C12orf42: variants seen among roughly 807,000 people sequenced by gnomAD.
C12orf42 encodes uncharacterized protein C12orf42.
In C12orf42, 25 loss-of-function variants were observed where a neutral mutation model predicts 21.6. That is an observed-to-expected ratio of 1.16 (90% CI 0.84 to 1.62). The LOEUF is 1.62. Among genes scored for constraint, C12orf42 ranks in the 40% most tolerant of loss-of-function variants. The pLI is 0.00. For synonymous variants in C12orf42, 174 were observed against 175.0 expected (o/e 0.99, Z 0.05); for missense variants, 483 against 459.3 (o/e 1.05, Z -0.47).
chr12:103,195,291 T>G, the C12orf42 span, among the ~76,000 whole-genome samples: 1 of 152,164 alleles, frequency 6.6e-6, no homozygotes, highest in Non-Finnish European at 1.5e-5. Context: ...ATGATATCTA[T>G]TCCTTTGGGT....
intron 4 of C12orf42, among the ~76,000 whole-genome samples, chr12:103,294,424 G>GAGAGAGAA (rs2037028710): frequency 1.8e-5 from 1 of 56,328 alleles, no homozygotes; most frequent in East Asian, 5.8e-4. Flanking sequence ...AGAGAAAGGA[G>GAGAGAGAA]AGAGAGAAAG....
intron 10 of C12orf42, among the ~76,000 whole-genome samples, chr12:103,252,414 T>G (rs926565368): frequency 9.9e-5 from 15 of 152,152 alleles, no homozygotes; most frequent in African/African-American, 3.6e-4. Flanking sequence ...CTACCAACAG[T>G]GTAAAAGCAT....
intron 4 of C12orf42, among the ~76,000 whole-genome samples, chr12:103,315,939 A>T (rs1054370962): frequency 2.0e-5 from 3 of 151,982 alleles, no homozygotes; most frequent in Admixed American, 6.6e-5. Context: ...TTCCACAGGT[A>T]TATATATTTC....
At chr12:103,232,629 T>C (rs578145767), downstream of C12orf42, among the ~76,000 whole-genome samples, 543 of 146,478 alleles carry the variant, frequency 3.7e-3, 3 homozygotes, top group African/African-American at 0.013. Flanking sequence ...GAGAATGGCA[T>C]GAAGCCGGGA....
the C12orf42 span, among the ~76,000 whole-genome samples, chr12:103,107,290 G>A: frequency 6.6e-6 from 1 of 151,842 alleles, no homozygotes; most frequent in South Asian, 2.1e-4. Flanking sequence ...TTACACATTG[G>A]AAACTTACAG....
chr12:103,541,030 A>G, the C12orf42 span, among the ~76,000 whole-genome samples: 2 of 152,000 alleles, frequency 1.3e-5, no homozygotes, highest in Non-Finnish European at 2.9e-5. Flanking sequence ...CAGCCTCCCG[A>G]GTAGCTGGGA....
At chr12:103,239,918 T>C (rs1466132354) in intron 10 of C12orf42, among the ~76,000 whole-genome samples, 1 of 152,070 alleles carries the variant, frequency 6.6e-6, no homozygotes, top group East Asian at 1.9e-4. Context: ...CTTGGAAGAA[T>C]TGTGGAAATA....
At chr12:103,302,624 C>G in intron 5 of C12orf42, 65 bp from the exon 6 acceptor site, 1 of 1,357,640 alleles carries the variant, frequency 7.4e-7, no homozygotes, top group Non-Finnish European at 1.0e-6. Context: ...ACACCGCACC[C>G]CCGCGACAAC....
the C12orf42 span, among the ~76,000 whole-genome samples, chr12:103,089,446 G>T: frequency 6.6e-6 from 1 of 152,186 alleles, no homozygotes; most frequent in African/African-American, 2.4e-5. Context: ...TACTGTCAAT[G>T]GACATCTCTT....
the C12orf42 span, among the ~76,000 whole-genome samples, chr12:103,232,107 G>T: frequency 6.6e-6 from 1 of 152,096 alleles, no homozygotes; most frequent in Non-Finnish European, 1.5e-5. Flanking sequence ...GATATCTTTG[G>T]TGATAAGTCT....
chr12:103,545,885 T>C, the C12orf42 span, among the ~76,000 whole-genome samples: 1 of 152,334 alleles, frequency 6.6e-6, no homozygotes, highest in African/African-American at 2.4e-5. Context: ...TGGCCTTCAG[T>C]CTTAATCCCA....
chr12:103,051,403 G>A, the C12orf42 span, among the ~76,000 whole-genome samples: 2 of 152,256 alleles, frequency 1.3e-5, no homozygotes, highest in South Asian at 4.1e-4. Context: ...TTAGCCCAGA[G>A]CACGAGGAGG....
Position 103,445,804 on chromosome 12 carries a change from T to C in C12orf42, c.78+32545A>G, listed in dbSNP as rs549785701. Among the ~76,000 whole-genome samples the C allele has an allele frequency of 7.9e-5, 12 of 152,178 alleles. 1 individual carries two copies. The South Asian group carries it at 1.9e-3, about 24-fold the overall frequency. On this transcript the variant is annotated intron_variant, in intron 2 of 5. Transcript: ENST00000548883. ...TATAGTTAGTACTCTTTGGGTCTTG[T>C]TTTTGAAAATCTTCCCTCATTTAAG...
At chr12:103,186,489 T>A in the C12orf42 span, among the ~76,000 whole-genome samples, 1 of 152,194 alleles carries the variant, frequency 6.6e-6, no homozygotes, top group Admixed American at 6.5e-5. Context: ...TCATTATGTT[T>A]AAAAGCCTAA....
chr12:103,298,334 A>T (rs75948919), downstream of C12orf42, among the ~76,000 whole-genome samples: 1,754 of 152,344 alleles, frequency 0.012, 99 homozygotes, highest in East Asian at 0.19. Context: ...GAGCCAAATC[A>T]TGAGTGAACT....
At chr12:103,106,481 A>T in the C12orf42 span, among the ~76,000 whole-genome samples, 1 of 152,126 alleles carries the variant, frequency 6.6e-6, no homozygotes, top group Non-Finnish European at 1.5e-5. Context: ...GTTTAAAAAA[A>T]TATGGAATTA....
At chr12:103,516,149 A>G in the C12orf42 span, among the ~76,000 whole-genome samples, 2 of 152,248 alleles carry the variant, frequency 1.3e-5, no homozygotes, top group Non-Finnish European at 2.9e-5. Context: ...AATATTTACC[A>G]TCATAACTAA....
At chr12:103,211,313 A>G in the C12orf42 span, among the ~76,000 whole-genome samples, 3 of 152,050 alleles carry the variant, frequency 2.0e-5, no homozygotes, top group South Asian at 6.2e-4. Flanking sequence ...CCTCATCATT[A>G]GGACCTCATT....
the C12orf42 span, among the ~76,000 whole-genome samples, chr12:103,108,767 T>G: frequency 6.6e-6 from 1 of 152,082 alleles, no homozygotes; most frequent in African/African-American, 2.4e-5. Context: ...ATAATGTGAA[T>G]TAGCCAAGGA....
Sources: gnomAD v4.1 joint callset for allele counts (sites outside exome capture counted in the v4.1 genomes callset) on GRCh38, gnomAD v4.1.1 for gene constraint, MANE v1.5 for transcripts, NCBI Gene and HGNC (gene_info 2026-07-23, HGNC 2026-07-21) for gene names.